Variants in TRIM32 observed in about 807,000 individuals in gnomAD.
TRIM32 encodes E3 ubiquitin-protein ligase TRIM32.
TRIM32 carries 19 observed loss-of-function variants against 36.0 expected under a neutral mutation model. The ratio of observed to expected loss-of-function variants is 0.53; its 90% CI spans 0.37 to 0.77. The LOEUF (loss-of-function observed/expected upper bound fraction) is 0.77. Ranked by LOEUF, TRIM32 falls within the 30% of genes least tolerant of loss-of-function variation. The probability of loss-of-function intolerance (pLI) is 0.00; values close to 1 mark genes in which losing one functional copy is unlikely to be tolerated. For synonymous variants in TRIM32, 309 were observed against 318.5 expected (o/e 0.97, Z 0.32); for missense variants, 747 against 845.2 (o/e 0.88, Z 1.44).
chr9:116,688,643 G>A (rs1037017118), intron 1 of TRIM32, among the ~76,000 whole-genome samples: 2 of 107,038 alleles, frequency 1.9e-5, no homozygotes, highest in Non-Finnish European at 5.0e-5. Flanking sequence ...CCGGTCCCCC[G>A]GCCCACTGAA....
chr9:116,693,076 A>G (rs1860654701), intron 1 of TRIM32, among the ~76,000 whole-genome samples: 1 of 152,154 alleles, frequency 6.6e-6, no homozygotes, highest in Non-Finnish European at 1.5e-5. Flanking sequence ...TCATGCTTTC[A>G]AAATGTAGTT....
At chr9:116,693,347 T>C (rs1247313356) in intron 1 of TRIM32, among the ~76,000 whole-genome samples, 1 of 152,174 alleles carries the variant, frequency 6.6e-6, no homozygotes, top group Non-Finnish European at 1.5e-5. Context: ...GGTTCATTCT[T>C]TTGTTTTGTT....
At chr9:116,696,548 G>A (rs1860863410) in intron 1 of TRIM32, among the ~76,000 whole-genome samples, 1 of 152,010 alleles carries the variant, frequency 6.6e-6, no homozygotes, top group Admixed American at 6.6e-5. Flanking sequence ...ATGTATTTAT[G>A]CATCTTTCCA....
intron 1 of TRIM32, among the ~76,000 whole-genome samples, chr9:116,690,471 T>A (rs929685466): frequency 6.6e-6 from 1 of 152,208 alleles, no homozygotes; most frequent in Non-Finnish European, 1.5e-5. Flanking sequence ...GGAGAATAGT[T>A]GGAAGCCAGA....
rs781359060 is a variant in TRIM32 at position 116,699,286 on chromosome 9, G to A, written c.1544G>A (p.Arg515Gln). 1.7e-5 allele frequency: 28 copies of A among 1,614,070 alleles called. No individual in the cohort carries two copies. Among genetic ancestry groups the A allele is most frequent in the African/African-American group, 5.3e-5 (4 of 74,936 alleles). Residue 515 changes from arginine to glutamine, a missense_variant, in exon 2 of 2, where the codon CGG becomes CAG. Coordinates refer to ENST00000450136, the MANE Select transcript of TRIM32 (RefSeq NM_012210.4). The surrounding 1 kb of genome is among the most constrained non-coding windows in gnomAD (Gnocchi z 4.2). Reference protein sequence around the residue: ...VKYSCLCSAVRPKFVTCDAEG... With the variant: ...VKYSCLCSAVQPKFVTCDAEG... Reference sequence around the variant, plus strand: ...TACAGCTGCCTATGTAGTGCTGTGCGGCCCAAATTTGTCACCTGTGATGCT... The same window carrying A: ...TACAGCTGCCTATGTAGTGCTGTGCAGCCCAAATTTGTCACCTGTGATGCT...
Position 116,700,046 on chromosome 9 carries a change from G to T in TRIM32, c.*342G>T. ...AAATTTGCCCTTGTATTAAATCCTT[G>T]ATTTTTTCCCATTTGGCTTTGATGC... On this transcript the variant is annotated 3_prime_UTR_variant, in exon 2 of 2. Transcript: ENST00000450136. 2 of 343,778 alleles carry T rather than the reference G, an allele frequency of 5.8e-6. No individual in the cohort carries two copies. Among genetic ancestry groups the T allele is most frequent in the Non-Finnish European group, 1.1e-5 (2 of 177,302 alleles). The allele number at this position is 343,778 out of a possible 1,614,324, so 21.3% of individuals were successfully genotyped here. A position where few individuals can be genotyped will look rare whatever the true frequency, so the allele number is the denominator to read the frequency against.
chr9:116,696,741 T>C (rs1387042633), intron 1 of TRIM32, among the ~76,000 whole-genome samples: 2 of 152,174 alleles, frequency 1.3e-5, no homozygotes, highest in Non-Finnish European at 2.9e-5. Flanking sequence ...AGGATCTGTA[T>C]CCTAAAGACC....
In TRIM32 at chr9:116,698,978, T is replaced by A; in HGVS notation, c.1236T>A (p.Ser412Arg). 2 of 1,614,152 alleles carry A rather than the reference T, an allele frequency of 1.2e-6. No individual in the cohort carries two copies. Among genetic ancestry groups the A allele is most frequent in the Non-Finnish European group, 1.7e-6 (2 of 1,180,006 alleles). The change falls in exon 2 of 2, where the codon AGT becomes AGA. Residue 412 changes from serine (S) to arginine (R), a missense_variant. Coordinates refer to ENST00000450136, the MANE Select transcript of TRIM32 (RefSeq NM_012210.4). The surrounding 1 kb of genome is among the most constrained non-coding windows in gnomAD (Gnocchi z 4.4). ...TGAAGGAAATCCGCCGCAGCCCCAG[T>A]GGCATTGATAGCTTTGTGCTAAGCT... is the stretch of plus-strand genomic sequence containing the variant. The part of the protein sequence containing the change: ...GFLKEIRRSP[S>R]GIDSFVLSFL...
In TRIM32 at chr9:116,698,049, T is replaced by C; in HGVS notation, c.307T>C (p.Cys103Arg). Residue 103 changes from cysteine to arginine, a missense_variant, in exon 2 of 2, where the codon TGT (cysteine) becomes CGT (arginine). Cys to Arg is a radical substitution (Grantham distance 180). Transcript: ENST00000450136. The surrounding 1 kb of genome is among the most constrained non-coding windows in gnomAD (Gnocchi z 4.4). ...EAVGLLMCRS[C>R]GRRLPRQFCR... The stretch of plus-strand genomic sequence containing the variant: ...TGTGGGGCTGCTCATGTGTCGGTCC[T>C]GTGGGCGGCGTCTGCCCCGGCAATT... 2.5e-6 allele frequency: 4 copies of C among 1,613,960 alleles called. No homozygotes were observed. The highest frequency in any genetic ancestry group is 3.4e-6 in the Non-Finnish European group (4 of 1,180,022).
rs1026437899 is a variant in TRIM32, at chr9:116,699,955, A to C, written c.*251A>C. On this transcript the variant is annotated 3_prime_UTR_variant, in exon 2 of 2. Transcript: ENST00000450136. This position sits in a 1 kb window ranked among gnomAD's most constrained non-coding sequence, Gnocchi z 4.2. ...ACACGATGGTGTTAGCTGAAGTTTG[A>C]TTAGCAATTAGGCACTTCCAAGGCT... 6 of 590,220 alleles carry C rather than the reference A, an allele frequency of 1.0e-5. No individual in the cohort carries two copies. The highest frequency in any genetic ancestry group is 1.8e-5 in the Non-Finnish European group (6 of 328,694). The allele number at this position is 590,220 out of a possible 1,614,324, so 36.6% of individuals were successfully genotyped here.
In TRIM32 at chr9:116,699,419, G is replaced by A. The variant is rs1861059835; in HGVS notation, c.1677G>A (p.Gly559=). 1.2e-6 allele frequency: 2 copies of A among 1,614,074 alleles called. No individual in the cohort carries two copies. Among genetic ancestry groups the A allele is most frequent in the African/African-American group, 2.7e-5 (2 of 74,932 alleles). ...GFSIGSVGPD[G]QLGRQISHFF... ...CCATTGGCTCTGTAGGCCCTGATGGGCAGCTGGGTCGCCAGATTAGCCACT... is the reference window on the plus strand; with the variant it reads ...CCATTGGCTCTGTAGGCCCTGATGGACAGCTGGGTCGCCAGATTAGCCACT... Residue 559 remains glycine, a synonymous_variant, in exon 2 of 2, where the codon GGG becomes GGA. Coordinates refer to ENST00000450136, the MANE Select transcript of TRIM32 (RefSeq NM_012210.4). This position sits in a 1 kb window ranked among gnomAD's most constrained non-coding sequence, Gnocchi z 4.2.
chr9:116,695,847 C>T (rs185845262), intron 1 of TRIM32, among the ~76,000 whole-genome samples: 7 of 152,214 alleles, frequency 4.6e-5, no homozygotes, highest in South Asian at 2.1e-4. Flanking sequence ...TATTGGGTGA[C>T]GCAGAGGGTA....
intron 1 of TRIM32, 90 bp from the exon 2 acceptor site, chr9:116,697,572 G>C: frequency 2.5e-6 from 2 of 812,242 alleles, no homozygotes; most frequent in Admixed American, 5.0e-5. Context: ...ATGACTGAAT[G>C]ACTGGTCATA....
Position 116,687,365 on chromosome 9 carries a change from G to C in TRIM32, c.-98G>C. ...TGGGCTGCCGGCGGTGGACTCGTCG[G>C]AGCCGCGGGCGGTCAGGTAGGGGGC... is the stretch of plus-strand genomic sequence containing the variant. On this transcript the variant is annotated 5_prime_UTR_variant, in exon 1 of 2. Coordinates refer to ENST00000450136, the MANE Select transcript of TRIM32 (RefSeq NM_012210.4). 1.7e-6 allele frequency: 1 copy of C among 593,680 alleles called. No individual in the cohort carries two copies. The highest frequency in any genetic ancestry group is 2.1e-6 in the Non-Finnish European group (1 of 472,802). The allele number at this position is 593,680 out of a possible 1,614,324, so 36.8% of individuals were successfully genotyped here.
Position 116,700,027 on chromosome 9 carries a change from G to T in TRIM32, c.*323G>T. ...GCCCTTTGTGCCATGTTTGAAATTT[G>T]CCCTTGTATTAAATCCTTGATTTTT... On this transcript the variant is annotated 3_prime_UTR_variant, in exon 2 of 2. Coordinates refer to ENST00000450136, the MANE Select transcript of TRIM32 (RefSeq NM_012210.4). The T allele has an allele frequency of 2.5e-6, 1 of 393,054 alleles. No homozygotes were observed. Among genetic ancestry groups the T allele is most frequent in the Non-Finnish European group, 4.8e-6 (1 of 207,628 alleles). The allele number at this position is 393,054 out of a possible 1,614,324, so 24.3% of individuals were successfully genotyped here.
intron 1 of TRIM32, among the ~76,000 whole-genome samples, chr9:116,696,510 C>T (rs998275846): frequency 2.0e-5 from 3 of 152,074 alleles, no homozygotes; most frequent in Non-Finnish European, 4.4e-5. Flanking sequence ...AAGGTTGTGC[C>T]TTTTGCCCAC....
rs142781513 is a variant in TRIM32, at chr9:116,699,705, G to A, written c.*1G>A. 177 of 1,614,048 alleles carry A rather than the reference G, an allele frequency of 1.1e-4. 1 individual carries two copies. The African/African-American group carries it at 2.1e-3, about 19-fold the overall frequency. ...TCTGAGAAGATATTCCACCCCATAG[G>A]GGATGAGAAATTATCAGTTTCTTCT... is the stretch of plus-strand genomic sequence containing the variant. On this transcript the variant is annotated 3_prime_UTR_variant, in exon 2 of 2. Coordinates refer to ENST00000450136, the MANE Select transcript of TRIM32 (RefSeq NM_012210.4). This position sits in a 1 kb window ranked among gnomAD's most constrained non-coding sequence, Gnocchi z 4.2.
At chr9:116,695,912 T>G (rs934510951) in intron 1 of TRIM32, among the ~76,000 whole-genome samples, 1 of 152,180 alleles carries the variant, frequency 6.6e-6, no homozygotes, top group Non-Finnish European at 1.5e-5. Flanking sequence ...TTAAATCATC[T>G]AGGCTTGAGT....
At position 116,697,750 on chromosome 9, in the gene TRIM32, C is replaced by T. The variant is rs773505805; in HGVS notation, c.8C>T (p.Ala3Val). Residue 3 changes from alanine to valine, a missense_variant, in exon 2 of 2, where the codon GCA becomes GTA. Coordinates refer to ENST00000450136, the MANE Select transcript of TRIM32 (RefSeq NM_012210.4). MA[A>V]AAASHLNLDA... ...CCCTTCAAAGGAAGAGCAATGGCTG[C>T]AGCAGCAGCTTCTCACCTGAACCTG... The T allele has an allele frequency of 4.3e-6, 7 of 1,613,974 alleles. No individual in the cohort carries two copies. The South Asian group carries it at 6.6e-5, about 15-fold the overall frequency.
Sources: gnomAD v4.1 joint callset for allele counts (sites outside exome capture counted in the v4.1 genomes callset) on GRCh38, gnomAD v4.1.1 for gene constraint, Gnocchi (gnomAD v3.1) non-coding constraint, MANE v1.5 for transcripts, NCBI Gene and HGNC (gene_info 2026-07-23, HGNC 2026-07-21) for gene names.